KHDRBS3: variants seen among roughly 807,000 people sequenced by gnomAD.
KHDRBS3 encodes the protein KH RNA binding domain containing, signal transduction associated 3, also known as KH domain-containing, RNA-binding, signal transduction-associated protein 3.
Under a neutral mutation model 45.6 loss-of-function variants are expected in KHDRBS3, and 23 were observed. The observed-to-expected ratio is 0.50, with a 90% CI of 0.36 to 0.72. KHDRBS3 has a LOEUF of 0.72. Ranked by LOEUF, KHDRBS3 falls within the 30% of genes least tolerant of loss-of-function variation. The probability of loss-of-function intolerance (pLI) is 0.00; values close to 1 mark genes in which losing one functional copy is unlikely to be tolerated. For synonymous variants in KHDRBS3, 162 were observed against 156.5 expected (o/e 1.04, Z -0.26); for missense variants, 352 against 424.8 (o/e 0.83, Z 1.51).
At chr8:135,504,114 T>C (rs931206705) in intron 1 of KHDRBS3, among the ~76,000 whole-genome samples, 1 of 152,198 alleles carries the variant, frequency 6.6e-6, no homozygotes, top group Non-Finnish European at 1.5e-5. Flanking sequence ...ATACTGTAAG[T>C]AAGTGCTGGC....
chr8:135,564,346 A>G (rs1339425953), intron 5 of KHDRBS3, among the ~76,000 whole-genome samples: 3 of 152,212 alleles, frequency 2.0e-5, no homozygotes, highest in Admixed American at 6.5e-5. Context: ...GTAGCACCCA[A>G]TATGCATAAT....
chr8:135,554,152 C>T (rs1826759459), intron 4 of KHDRBS3, among the ~76,000 whole-genome samples: 2 of 152,114 alleles, frequency 1.3e-5, no homozygotes, highest in Non-Finnish European at 2.9e-5. Context: ...ATTTCTTTCC[C>T]TACTACACTA....
chr8:135,584,139 C>T (rs1828345322), intron 6 of KHDRBS3, among the ~76,000 whole-genome samples: 1 of 152,156 alleles, frequency 6.6e-6, no homozygotes, highest in Non-Finnish European at 1.5e-5. Context: ...GTTTGATTCC[C>T]ACACTCACTC....
chr8:135,634,930 G>T (rs1419363458), intron 7 of KHDRBS3, among the ~76,000 whole-genome samples: 2 of 152,200 alleles, frequency 1.3e-5, no homozygotes, highest in Non-Finnish European at 2.9e-5. Context: ...CTGAAGCCAT[G>T]TGTCCTAGGC....
intron 4 of KHDRBS3, among the ~76,000 whole-genome samples, chr8:135,654,164 G>A (rs922812806): frequency 1.3e-5 from 2 of 152,072 alleles, no homozygotes; most frequent in Middle Eastern, 3.4e-3. Context: ...CTCATTTTCT[G>A]TTATTTTATA....
intron 2 of KHDRBS3, among the ~76,000 whole-genome samples, chr8:135,533,083 A>C (rs1322619913): frequency 6.6e-6 from 1 of 152,182 alleles, no homozygotes; most frequent in African/African-American, 2.4e-5. Context: ...GCGTGAAAGC[A>C]AAACACCATT....
chr8:135,612,730 A>G (rs1829755461), intron 7 of KHDRBS3, among the ~76,000 whole-genome samples: 1 of 151,740 alleles, frequency 6.6e-6, no homozygotes, highest in Non-Finnish European at 1.5e-5. Context: ...TTGACGTTTT[A>G]TGCAGTAGGA....
chr8:135,470,421 A>G (rs1821955916), intron 1 of KHDRBS3, among the ~76,000 whole-genome samples: 1 of 152,072 alleles, frequency 6.6e-6, no homozygotes, highest in Non-Finnish European at 1.5e-5. Context: ...CCCATTCAGA[A>G]CCAACAGCGA....
intron 2 of KHDRBS3, among the ~76,000 whole-genome samples, chr8:135,528,275 C>T (rs1825293192): frequency 6.6e-6 from 1 of 152,150 alleles, no homozygotes. Context: ...ATGTCTGTTC[C>T]TGGTGTTTCA....
intron 7 of KHDRBS3, among the ~76,000 whole-genome samples, chr8:135,632,947 A>G (rs985478046): frequency 2.0e-5 from 3 of 151,980 alleles, no homozygotes; most frequent in African/African-American, 7.3e-5. Context: ...ATCTCCTCCA[A>G]TTCCTTCAAA....
intron 6 of KHDRBS3, among the ~76,000 whole-genome samples, chr8:135,583,683 C>T (rs952907252): frequency 6.6e-6 from 1 of 152,092 alleles, no homozygotes; most frequent in African/African-American, 2.4e-5. Context: ...CCACTTATTT[C>T]AGAAAGAACT....
rs540021778 is a variant in KHDRBS3, at chr8:135,522,495, A to G, written c.207+1140A>G. 3.1e-3 allele frequency among the ~76,000 whole-genome samples: 476 copies of G among 152,286 alleles called. 4 individuals are homozygous for G. The highest frequency in any genetic ancestry group is 2.8e-3 in the Non-Finnish European group (192 of 68,012). On this transcript the variant is annotated intron_variant, in intron 2 of 8. Transcript: ENST00000355849. ...CAAGAAATTGTCATACTTTTTTCCAAAGCACTTATACCTTGTACCATTTCC... is the reference window on the plus strand; with the variant it reads ...CAAGAAATTGTCATACTTTTTTCCAGAGCACTTATACCTTGTACCATTTCC...
At chr8:135,589,772 C>T (rs1428326792) in intron 6 of KHDRBS3, among the ~76,000 whole-genome samples, 1 of 152,184 alleles carries the variant, frequency 6.6e-6, no homozygotes, top group East Asian at 1.9e-4. Flanking sequence ...CAGAACCTGA[C>T]ATTTTGGAGA....
chr8:135,621,340 G>A (rs1830132202), intron 7 of KHDRBS3, among the ~76,000 whole-genome samples: 1 of 152,176 alleles, frequency 6.6e-6, no homozygotes. Context: ...CTACCAGTTA[G>A]TTGCCAAGGA....
chr8:135,460,697 C>A (rs1423906069), intron 1 of KHDRBS3, among the ~76,000 whole-genome samples: 3 of 152,198 alleles, frequency 2.0e-5, no homozygotes, highest in Non-Finnish European at 4.4e-5. Flanking sequence ...AAGTTTCTGT[C>A]TGCACTTGCC....
chr8:135,556,844 GATA>G (rs1299731418), intron 4 of KHDRBS3, among the ~76,000 whole-genome samples: 53 of 152,228 alleles, frequency 3.5e-4, no homozygotes, highest in African/African-American at 1.1e-3. Flanking sequence ...TGAATATTTT[GATA>G]ATAATTTAAG....
At chr8:135,500,517 C>G (rs1364254834) in intron 1 of KHDRBS3, among the ~76,000 whole-genome samples, 2 of 152,128 alleles carry the variant, frequency 1.3e-5, no homozygotes, top group African/African-American at 2.4e-5. Context: ...ACCTTACTCT[C>G]TTCAGGGAAG....
intron 5 of KHDRBS3, among the ~76,000 whole-genome samples, chr8:135,573,203 G>A (rs540813795): frequency 6.6e-6 from 1 of 152,154 alleles, no homozygotes; most frequent in Non-Finnish European, 1.5e-5. Context: ...AGCAATGCTG[G>A]AGCTCGCTTA....
chr8:135,464,461 T>TGCCAGG (rs1821594857), intron 1 of KHDRBS3, among the ~76,000 whole-genome samples: 1 of 152,254 alleles, frequency 6.6e-6, no homozygotes, highest in Non-Finnish European at 1.5e-5. Context: ...GTGCTCTTTG[T>TGCCAGG]ATTTTAATAC....
Sources: allele counts gnomAD v4.1 joint callset (sites outside exome capture counted in the v4.1 genomes callset), GRCh38; gene constraint gnomAD v4.1.1; transcripts MANE v1.5; gene names NCBI Gene and HGNC (gene_info 2026-07-23, HGNC 2026-07-21).